Variants in MCPH1 observed in about 807,000 individuals in gnomAD.
MCPH1 encodes microcephalin.
MCPH1 carries 104 observed loss-of-function variants against 84.5 expected under a neutral mutation model. That is an observed-to-expected ratio of 1.23 (90% CI 1.05 to 1.45). The LOEUF is 1.45. Ranked by LOEUF, MCPH1 falls within the 40% of genes most tolerant of loss-of-function variation. The pLI, the probability that MCPH1 is intolerant of heterozygous loss-of-function variation, is 0.00. For missense variants in MCPH1, 1,498 were observed against 1,005.7 expected (o/e 1.49, Z -6.62); for synonymous variants, 514 against 366.8 (o/e 1.40, Z -4.58).
chr8:6,594,361 A>C (rs1396027873), intron 12 of MCPH1, among the ~76,000 whole-genome samples: 1 of 152,194 alleles, frequency 6.6e-6, no homozygotes, highest in African/African-American at 2.4e-5. Flanking sequence ...GTGGAATTTT[A>C]CTGGAGTTTT....
At chr8:6,485,318 C>G (rs1809752305) in intron 11 of MCPH1, among the ~76,000 whole-genome samples, 1 of 151,246 alleles carries the variant, frequency 6.6e-6, no homozygotes, top group Non-Finnish European at 1.5e-5. Flanking sequence ...GAGTGAGACT[C>G]TGTCTCAAAA....
intron 12 of MCPH1, among the ~76,000 whole-genome samples, chr8:6,535,498 G>A (rs1224554774): frequency 6.6e-6 from 1 of 152,194 alleles, no homozygotes; most frequent in African/African-American, 2.4e-5. Flanking sequence ...CACAGTGGGT[G>A]AGCTAATGTG....
intron 12 of MCPH1, among the ~76,000 whole-genome samples, chr8:6,555,448 A>G (rs2922883): frequency 0.99 from 149,889 of 150,738 alleles, 74,528 homozygotes; most frequent in Middle Eastern, 1. Flanking sequence ...AATTTGTTTT[A>G]CGGGGGGTGG....
rs1369865942 is a variant in MCPH1, at chr8:6,644,366, G to C, written c.*1317G>C. ...AGCCAGAGTGATCAGGCAAGAATAA[G>C]CCATAAAAGGCATCCAAATAGGAAA... On this transcript the variant is annotated 3_prime_UTR_variant, in exon 14 of 14. Coordinates refer to ENST00000344683, the MANE Select transcript of MCPH1 (RefSeq NM_024596.5). 1 of 152,162 alleles carries C rather than the reference G, an allele frequency of 6.6e-6. No homozygotes were observed. The highest frequency in any genetic ancestry group is 2.4e-5 in the African/African-American group (1 of 41,416). 9.4% of individuals were successfully genotyped at this position (152,162 alleles called of 1,614,324 possible).
At chr8:6,531,745 A>G (rs1269966180) in intron 12 of MCPH1, among the ~76,000 whole-genome samples, 1 of 152,088 alleles carries the variant, frequency 6.6e-6, no homozygotes, top group Admixed American at 6.6e-5. Context: ...TGATGCATTT[A>G]TTTGGTTAGT....
Position 6,431,480 on chromosome 8 carries a change from C to T in MCPH1, c.234-19C>T, listed in dbSNP as rs1351499877. The T allele has an allele frequency of 6.3e-7, 1 of 1,593,016 alleles. No individual in the cohort carries two copies. ...ATAGAAGCAAATACTCATTAGACTA[C>T]CTTAATTTAATTATACAGATGCAGG... is the stretch of plus-strand genomic sequence containing the variant. On this transcript the variant is annotated intron_variant, in intron 3 of 13. Coordinates refer to ENST00000344683, the MANE Select transcript of MCPH1 (RefSeq NM_024596.5).
At position 6,555,818 on chromosome 8, in the gene MCPH1, A is replaced by G. The variant is rs577366676; in HGVS notation, c.2214+55889A>G. 1.2e-4 allele frequency among the ~76,000 whole-genome samples: 19 copies of G among 152,298 alleles called. No individual in the cohort carries two copies. The East Asian group carries it at 1.7e-3, about 14-fold the overall frequency. ...TTAAATAGTTGTACCAATTATACCA[A>G]TTGCACCAATTCTATTACAAGGTGG... On this transcript the variant is annotated intron_variant, in intron 12 of 13. Coordinates refer to ENST00000344683, the MANE Select transcript of MCPH1 (RefSeq NM_024596.5).
In MCPH1 at chr8:6,529,226, T is replaced by G. The variant is rs1868554; in HGVS notation, c.2214+29297T>G. ...GACTGTAAATTACCCAGGCCAGGTATTGATCTCTCATTCCCTTTAAGATAT... is the reference window on the plus strand; with the variant it reads ...GACTGTAAATTACCCAGGCCAGGTAGTGATCTCTCATTCCCTTTAAGATAT... On this transcript the variant is annotated intron_variant, in intron 12 of 13. Transcript: ENST00000344683. Among the ~76,000 whole-genome samples, 8 of 152,078 alleles carry G rather than the reference T, an allele frequency of 5.3e-5. No homozygotes were observed. In the East Asian group the frequency reaches 1.5e-3, roughly 29 times the overall value.
chr8:6,476,666 C>G (rs1346976204), intron 9 of MCPH1, among the ~76,000 whole-genome samples: 1 of 152,162 alleles, frequency 6.6e-6, no homozygotes, highest in East Asian at 1.9e-4. Context: ...ACGTAGTATA[C>G]AAACCGCTTC....
chr8:6,635,049 G>A (rs1041724270), intron 13 of MCPH1: 1 of 152,176 alleles, frequency 6.6e-6, no homozygotes, highest in African/African-American at 2.4e-5. Flanking sequence ...TGTGTTCAGT[G>A]ATGATGATGA....
chr8:6,571,393 A>G (rs1482908462), intron 12 of MCPH1, among the ~76,000 whole-genome samples: 1 of 152,228 alleles, frequency 6.6e-6, no homozygotes, highest in Non-Finnish European at 1.5e-5. Flanking sequence ...GTTATAAGTC[A>G]CATTAAATGT....
At chr8:6,514,832 C>A (rs996918467) in intron 12 of MCPH1, 1 of 1,480,916 alleles carries the variant, frequency 6.8e-7, no homozygotes, top group East Asian at 2.3e-5. Context: ...TCCCCCCTTA[C>A]GTAGCAGAAG....
chr8:6,550,787 A>AT (rs747905425), intron 12 of MCPH1, among the ~76,000 whole-genome samples: 60 of 152,180 alleles, frequency 3.9e-4, no homozygotes, highest in Non-Finnish European at 7.2e-4. Context: ...TCTTACCCAT[A>AT]TAGGACAAGC....
intron 13 of MCPH1, chr8:6,626,713 C>T (rs1466936764): frequency 1.0e-6 from 1 of 985,188 alleles, no homozygotes; most frequent in East Asian, 1.1e-4. Flanking sequence ...ACCCTGGGGT[C>T]TGAAGGAACT....
intron 12 of MCPH1, among the ~76,000 whole-genome samples, chr8:6,544,210 T>C (rs891296641): frequency 1.3e-5 from 2 of 152,230 alleles, no homozygotes; most frequent in Admixed American, 6.5e-5. Context: ...ATTTCAAATG[T>C]TGATAGTGAA....
rs2916753 is a variant in MCPH1, at chr8:6,441,596, A to G, written c.581-471A>G. ...AACCTCTAGGATTTCTCAACCCAGC[A>G]CAGCTGACATTTGGGTCTGGGTAAT... On this transcript the variant is annotated intron_variant, in intron 6 of 13. Transcript: ENST00000344683. 4.9e-3 allele frequency among the ~76,000 whole-genome samples: 740 copies of G among 152,294 alleles called. 7 individuals carry two copies. Among genetic ancestry groups the G allele is most frequent in the Middle Eastern group, 0.02 (6 of 294 alleles).
chr8:6,600,788 G>A (rs756667841), intron 12 of MCPH1, among the ~76,000 whole-genome samples: 4 of 152,202 alleles, frequency 2.6e-5, no homozygotes, highest in Non-Finnish European at 5.9e-5. Flanking sequence ...ACAGGCCATC[G>A]TTGGGGGCAG....
intron 8 of MCPH1, among the ~76,000 whole-genome samples, chr8:6,447,826 G>A (rs1804624663): frequency 6.6e-6 from 1 of 152,152 alleles, no homozygotes; most frequent in Non-Finnish European, 1.5e-5. Context: ...TGGGATTACA[G>A]GCGTGAGCTA....
chr8:6,499,979 G>A (rs778912383), intron 12 of MCPH1, 50 bp downstream of exon 12: 1 of 1,496,450 alleles, frequency 6.7e-7, no homozygotes, highest in Non-Finnish European at 9.3e-7. Flanking sequence ...CTGTTCTCAA[G>A]AAATTATTAT....
Sources: gnomAD v4.1 joint callset for allele counts (sites outside exome capture counted in the v4.1 genomes callset) on GRCh38, gnomAD v4.1.1 for gene constraint, MANE v1.5 for transcripts, NCBI Gene and HGNC (gene_info 2026-07-23, HGNC 2026-07-21) for gene names.